Variants in MALRD1 observed in about 807,000 individuals in gnomAD.
The protein encoded by MALRD1 is MAM and LDL receptor class A domain containing 1, also known as MAM and LDL-receptor class A domain-containing protein 1.
In MALRD1, 247 loss-of-function variants were observed where a neutral mutation model predicts 242.1. The ratio of observed to expected loss-of-function variants is 1.02; its 90% confidence interval spans 0.92 to 1.13. The LOEUF is 1.13. Ranked by LOEUF, MALRD1 falls within the 50% of genes most tolerant of loss-of-function variation. MALRD1 has a pLI of 0.00. For missense variants in MALRD1, 2,989 were observed against 2,533.1 expected, an observed-to-expected ratio of 1.18 and a Z score of -3.86; for synonymous variants, 995 against 866.6, an observed-to-expected ratio of 1.15 and a Z score of -2.60.
chr10:19,225,527 G>C (rs12268670), intron 18 of MALRD1, among the ~76,000 whole-genome samples: 1,685 of 149,422 alleles, frequency 0.011, 43 homozygotes, highest in African/African-American at 0.04. Context: ...TATTTTTTCT[G>C]TCATTACCAA....
chr10:19,460,599 A>G (rs1273622068), intron 29 of MALRD1, among the ~76,000 whole-genome samples: 4 of 152,186 alleles, frequency 2.6e-5, no homozygotes, highest in African/African-American at 7.2e-5. Flanking sequence ...TATAAACACT[A>G]GCAATCATAT....
chr10:19,272,699 C>A (rs1588828308), intron 19 of MALRD1, among the ~76,000 whole-genome samples: 1 of 152,080 alleles, frequency 6.6e-6, no homozygotes, highest in Non-Finnish European at 1.5e-5. Flanking sequence ...CCACCCACCA[C>A]AGGCTCCGGT....
At chr10:19,394,635 T>G (rs1028558220) in intron 28 of MALRD1, among the ~76,000 whole-genome samples, 1 of 152,172 alleles carries the variant, frequency 6.6e-6, no homozygotes, top group African/African-American at 2.4e-5. Context: ...CACCCCATCC[T>G]CTGCACGCAT....
At chr10:19,618,192 C>T (rs978650993) in intron 36 of MALRD1, among the ~76,000 whole-genome samples, 2 of 152,068 alleles carry the variant, frequency 1.3e-5, no homozygotes, top group African/African-American at 4.8e-5. Context: ...CATAGTATTC[C>T]ATGGTATATA....
At chr10:19,442,364 G>A (rs573242226) in intron 28 of MALRD1, among the ~76,000 whole-genome samples, 2 of 151,952 alleles carry the variant, frequency 1.3e-5, no homozygotes, top group Non-Finnish European at 2.9e-5. Flanking sequence ...TGTTGAATAG[G>A]AGTGGTGAGA....
chr10:19,078,652 A>T (rs1835391727), intron 2 of MALRD1, among the ~76,000 whole-genome samples: 1 of 151,674 alleles, frequency 6.6e-6, no homozygotes. Flanking sequence ...TTTGTGCTGG[A>T]GCATTTGTTT....
At chr10:19,446,730 G>T (rs974775168) in intron 28 of MALRD1, among the ~76,000 whole-genome samples, 1 of 152,154 alleles carries the variant, frequency 6.6e-6, no homozygotes, top group Non-Finnish European at 1.5e-5. Flanking sequence ...TAAATTATGA[G>T]AAGAAAATAA....
chr10:19,313,692 C>G (rs1176553030), intron 21 of MALRD1, among the ~76,000 whole-genome samples: 1 of 151,522 alleles, frequency 6.6e-6, no homozygotes, highest in East Asian at 1.9e-4. Context: ...CTCTTAGAGT[C>G]CTATTTGAAA....
chr10:19,547,818 A>ATTT lies in MALRD1; in HGVS notation c.5478+16496_5478+16498dup, dbSNP rs869038128. On this transcript the variant is annotated intron_variant, in intron 32 of 39. Transcript: ENST00000454679. ...TATATATATATATATATATATATAT[A>ATTT]TTTTTTTTTTTTTTTTTTTTTTTTT... is the stretch of plus-strand genomic sequence containing the variant. Among the ~76,000 whole-genome samples the ATTT allele has an allele frequency of 1.8e-3, 31 of 16,916 alleles. 1 individual carries two copies. The highest frequency in any genetic ancestry group is 3.5e-3 in the East Asian group (1 of 288). 11.1% of individuals were successfully genotyped at this position (16,916 alleles called of 152,430 possible). A position where few individuals can be genotyped will look rare whatever the true frequency, so the allele number is the denominator to read the frequency against.
chr10:19,489,846 G>A (rs1371904888), intron 29 of MALRD1, among the ~76,000 whole-genome samples: 1 of 152,092 alleles, frequency 6.6e-6, no homozygotes, highest in Non-Finnish European at 1.5e-5. Context: ...CTCCTTGATC[G>A]TGGCTCTGCT....
chr10:19,166,373 A>G (rs564527009), intron 13 of MALRD1, among the ~76,000 whole-genome samples: 16 of 152,214 alleles, frequency 1.1e-4, no homozygotes, highest in Non-Finnish European at 2.2e-4. Context: ...GGAACTAAAA[A>G]GTTGATCTCA....
At chr10:19,258,516 C>T (rs1839613702) in intron 19 of MALRD1, among the ~76,000 whole-genome samples, 1 of 152,024 alleles carries the variant, frequency 6.6e-6, no homozygotes, top group Non-Finnish European at 1.5e-5. Context: ...AGGCTGGGGC[C>T]CAACAACATT....
At chr10:19,544,209 G>A (rs1212858414) in intron 32 of MALRD1, among the ~76,000 whole-genome samples, 1 of 151,002 alleles carries the variant, frequency 6.6e-6, no homozygotes, top group African/African-American at 2.4e-5. Context: ...TTTTTTTTTA[G>A]ATGCAGTCTC....
intron 35 of MALRD1, among the ~76,000 whole-genome samples, chr10:19,614,511 A>G (rs1839045893): frequency 6.6e-6 from 1 of 151,974 alleles, no homozygotes; most frequent in South Asian, 2.1e-4. Context: ...GCAGTGTGTT[A>G]AGTAAAAACA....
At chr10:19,261,638 C>G (rs1355835897) in intron 19 of MALRD1, among the ~76,000 whole-genome samples, 1 of 151,808 alleles carries the variant, frequency 6.6e-6, no homozygotes, top group African/African-American at 2.4e-5. Flanking sequence ...AATAAAAACT[C>G]AAAGTCACAT....
At chr10:19,549,414 T>C (rs775604313) in intron 32 of MALRD1, among the ~76,000 whole-genome samples, 1 of 152,146 alleles carries the variant, frequency 6.6e-6, no homozygotes, top group Non-Finnish European at 1.5e-5. Flanking sequence ...AGCAAACTTA[T>C]TGTCTTGTTT....
intron 15 of MALRD1, 128 bp downstream of exon 15, chr10:19,204,008 T>C: frequency 8.6e-7 from 1 of 1,161,950 alleles, no homozygotes; most frequent in Non-Finnish European, 1.2e-6. Context: ...ATATTGTCAA[T>C]TACAGTTATG....
chr10:19,635,695 G>A (rs1367405369), intron 36 of MALRD1, among the ~76,000 whole-genome samples: 2 of 152,078 alleles, frequency 1.3e-5, no homozygotes, highest in Non-Finnish European at 1.5e-5. Context: ...TTTAAACATA[G>A]TGAAAGAATA....
intron 36 of MALRD1, among the ~76,000 whole-genome samples, chr10:19,636,406 T>C (rs1468511410): frequency 6.6e-6 from 1 of 151,908 alleles, no homozygotes; most frequent in Non-Finnish European, 1.5e-5. Context: ...AACAAAACAA[T>C]TGGGATATAA....
Sources: allele counts gnomAD v4.1 joint callset (sites outside exome capture counted in the v4.1 genomes callset), GRCh38; gene constraint gnomAD v4.1.1; transcripts MANE v1.5; gene names NCBI Gene and HGNC (gene_info 2026-07-23, HGNC 2026-07-21).